The following NEDD1 variants were observed in gnomAD, a reference collection of about 807,000 sequenced individuals.
The protein encoded by NEDD1 is NEDD1 gamma-tubulin ring complex targeting factor.
In NEDD1, 33 loss-of-function variants were observed where a neutral mutation model predicts 74.0. That is an observed-to-expected ratio of 0.45 (90% CI 0.34 to 0.60). The LOEUF is 0.60. Ranked by LOEUF, NEDD1 falls within the 20% of genes least tolerant of loss-of-function variation. The pLI is 0.01. For missense variants in NEDD1, 746 were observed against 776.5 expected, an observed-to-expected ratio of 0.96 and a Z score of 0.47; for synonymous variants, 250 against 264.4, an observed-to-expected ratio of 0.95 and a Z score of 0.53.
Position 96,917,634 on chromosome 12 carries a change from G to C in NEDD1, c.245G>C (p.Cys82Ser). 1.3e-6 allele frequency: 2 copies of C among 1,498,338 alleles called. No individual in the cohort carries two copies. The highest frequency in any genetic ancestry group is 1.8e-6 in the Non-Finnish European group (2 of 1,132,342). The allele number at this position is 1,498,338 out of a possible 1,614,324, so 92.8% of individuals were successfully genotyped here. A position where few individuals can be genotyped will look rare whatever the true frequency, so the allele number is the denominator to read the frequency against. The change falls in exon 5 of 16, where the codon TGT becomes TCT. Residue 82 changes from cysteine to serine, a missense_variant. By Grantham distance (112) the Cys-to-Ser change is moderately radical. Transcript: ENST00000266742. ...LELAEGQKQT[C>S]VNLNSTSMYL... Reference sequence around the variant, plus strand: ...TTTTTTAAATAGCAAAAGCAGACATGTGTCAATTTAAATTCTACATCTATG... The same window carrying C: ...TTTTTTAAATAGCAAAAGCAGACATCTGTCAATTTAAATTCTACATCTATG...
At chr12:96,917,534 A>C in intron 4 of NEDD1, 87 bp from the exon 5 acceptor site, 1 of 1,353,830 alleles carries the variant, frequency 7.4e-7, no homozygotes, top group Non-Finnish European at 9.6e-7. Flanking sequence ...AATATTTATC[A>C]TATGCTTACT....
chr12:96,909,262 T>G (rs530463576), intron 2 of NEDD1, among the ~76,000 whole-genome samples: 18 of 151,664 alleles, frequency 1.2e-4, no homozygotes, highest in Non-Finnish European at 2.5e-4. Flanking sequence ...AACTGCTAAG[T>G]CCCTTACCAG....
chr12:96,932,955 G>A (rs1324035720), intron 6 of NEDD1, among the ~76,000 whole-genome samples: 1 of 150,652 alleles, frequency 6.6e-6, no homozygotes, highest in East Asian at 2.0e-4. Context: ...AGCGTCCACT[G>A]AACTTAGGTT....
chr12:96,937,071 T>C (rs1419661835), intron 8 of NEDD1, 127 bp from the exon 9 acceptor site: 1 of 547,872 alleles, frequency 1.8e-6, no homozygotes, highest in Non-Finnish European at 3.0e-6. Flanking sequence ...AACTCAGGTC[T>C]GCCAGCAAGC....
chr12:96,911,915 T>C (rs1043088187), intron 3 of NEDD1, among the ~76,000 whole-genome samples: 1 of 152,156 alleles, frequency 6.6e-6, no homozygotes, highest in African/African-American at 2.4e-5. Context: ...TCTCCATTGC[T>C]TTTACTCACA....
chr12:96,910,142 A>G (rs1873764991), intron 3 of NEDD1, among the ~76,000 whole-genome samples: 2 of 152,212 alleles, frequency 1.3e-5, no homozygotes, highest in South Asian at 2.1e-4. Context: ...AAACACTGCT[A>G]TTAAAAAAAG....
At chr12:96,910,684 T>C (rs553408876) in intron 3 of NEDD1, among the ~76,000 whole-genome samples, 11 of 152,324 alleles carry the variant, frequency 7.2e-5, no homozygotes, top group Non-Finnish European at 1.5e-4. Context: ...CCTCTAGTTG[T>C]GACAACCCAA....
In NEDD1 at chr12:96,907,789, CGACGG is replaced by C; in HGVS notation, c.-72_-68del. On this transcript the variant is annotated 5_prime_UTR_variant, in exon 2 of 16. Transcript: ENST00000266742. Reference sequence around the variant, plus strand: ...GCCTTGTGTCCTGACTGCTAGCTTTCGACGGGACCGTCTTTGAGGGACTCATGTAA... The same window carrying C: ...GCCTTGTGTCCTGACTGCTAGCTTTCGACCGTCTTTGAGGGACTCATGTAA... 1 of 1,499,586 alleles carries C rather than the reference CGACGG, an allele frequency of 6.7e-7. No homozygotes were observed. Among genetic ancestry groups the C allele is most frequent in the East Asian group, 2.5e-5 (1 of 40,298 alleles). The allele number at this position is 1,499,586 out of a possible 1,614,324, so 92.9% of individuals were successfully genotyped here.
At chr12:96,910,032 T>C in intron 3 of NEDD1, 137 bp downstream of exon 3, 1 of 875,756 alleles carries the variant, frequency 1.1e-6, no homozygotes, top group Non-Finnish European at 1.6e-6. Flanking sequence ...ATAGATAACG[T>C]AAAATAGTAA....
In NEDD1 at chr12:96,943,750, C is replaced by T; in HGVS notation, c.1485C>T (p.Asp495=). 6.2e-7 allele frequency: 1 copy of T among 1,602,458 alleles called. No homozygotes were observed. The highest frequency in any genetic ancestry group is 8.5e-7 in the Non-Finnish European group (1 of 1,170,574). The change falls in exon 12 of 16, where the codon GAC becomes GAT. Residue 495 remains aspartate (D), a synonymous_variant. Coordinates refer to ENST00000266742, the MANE Select transcript of NEDD1 (RefSeq NM_152905.4). ...KIYMGKQESK[D]SFKQLAKLVT... ...ATATGGGAAAACAGGAATCTAAAGACTCCTTCAAACAGGTATTTGCCTGAA... is the reference window on the plus strand; with the variant it reads ...ATATGGGAAAACAGGAATCTAAAGATTCCTTCAAACAGGTATTTGCCTGAA...
At position 96,936,765 on chromosome 12, in the gene NEDD1, A is replaced by G. The variant is rs766012682; in HGVS notation, c.874A>G (p.Thr292Ala). The G allele has an allele frequency of 3.1e-6, 5 of 1,612,672 alleles. No homozygotes were observed. The highest frequency in any genetic ancestry group is 2.7e-5 in the African/African-American group (2 of 74,894). ...SPVKTISAHKTSVQCIAFQYS... is the reference protein window; with the variant it reads ...SPVKTISAHKASVQCIAFQYS... Reference sequence around the variant, plus strand: ...AGTTAAGACCATCAGTGCTCACAAGACATCTGTGCAGTGTATAGCATTTCA... The same window carrying G: ...AGTTAAGACCATCAGTGCTCACAAGGCATCTGTGCAGTGTATAGCATTTCA... Residue 292 changes from threonine (T) to alanine (A), a missense_variant, in exon 8 of 16, where the codon ACA (threonine) becomes GCA (alanine). Coordinates refer to ENST00000266742, the MANE Select transcript of NEDD1 (RefSeq NM_152905.4).
At chr12:96,909,051 C>T (rs1302552628) in intron 2 of NEDD1, among the ~76,000 whole-genome samples, 1 of 151,766 alleles carries the variant, frequency 6.6e-6, no homozygotes, top group Non-Finnish European at 1.5e-5. Context: ...TGGTGCATGC[C>T]GGTAATCCCA....
chr12:96,913,231 C>T (rs139159493), intron 4 of NEDD1, among the ~76,000 whole-genome samples: 1 of 152,232 alleles, frequency 6.6e-6, no homozygotes, highest in Admixed American at 6.5e-5. Flanking sequence ...GATGGTAGCT[C>T]TCTGCTTCAG....
intron 4 of NEDD1, among the ~76,000 whole-genome samples, 160 bp downstream of exon 4, chr12:96,912,977 G>A (rs904348926): frequency 6.6e-6 from 1 of 152,096 alleles, no homozygotes; most frequent in Admixed American, 6.5e-5. Context: ...TGAGATATGT[G>A]TACTTACTAA....
At chr12:96,914,665 A>G (rs2136515906) in intron 4 of NEDD1, among the ~76,000 whole-genome samples, 1 of 152,282 alleles carries the variant, frequency 6.6e-6, no homozygotes, top group East Asian at 1.9e-4. Flanking sequence ...GAGAAAATAA[A>G]TTATGATCTT....
chr12:96,952,769 T>A lies in NEDD1; in HGVS notation c.*716T>A, dbSNP rs1878823849. On this transcript the variant is annotated 3_prime_UTR_variant, in exon 16 of 16. Transcript: ENST00000266742. ...GACTCGACAAGAGCTATCTGGTGAT[T>A]TTCTCATTAGTAACATGCAACGTTG... 1 of 151,730 alleles carries A rather than the reference T, an allele frequency of 6.6e-6. No individual in the cohort carries two copies. The highest frequency in any genetic ancestry group is 6.6e-5 in the Admixed American group (1 of 15,226). The allele number at this position is 151,730 out of a possible 1,614,324, so 9.4% of individuals were successfully genotyped here. A position where few individuals can be genotyped will look rare whatever the true frequency, so the allele number is the denominator to read the frequency against.
intron 6 of NEDD1, among the ~76,000 whole-genome samples, chr12:96,927,358 T>G (rs565036170): frequency 5.8e-4 from 88 of 152,350 alleles, no homozygotes; most frequent in African/African-American, 1.9e-3. Flanking sequence ...TGAGCTGAAT[T>G]AAAGTTATTA....
chr12:96,949,041 C>T lies in NEDD1; in HGVS notation c.1812-2391C>T, dbSNP rs373151026. Among the ~76,000 whole-genome samples, 5 of 152,286 alleles carry T rather than the reference C, an allele frequency of 3.3e-5. No individual in the cohort carries two copies. The East Asian group carries it at 9.6e-4, about 29-fold the overall frequency. On this transcript the variant is annotated intron_variant, in intron 14 of 15. Transcript: ENST00000266742. ...TCTTCAAGACCTTGGCTCTTACAGCCTTGGCTACCTTGGTAGGCCCAAACT... is the reference window on the plus strand; with the variant it reads ...TCTTCAAGACCTTGGCTCTTACAGCTTTGGCTACCTTGGTAGGCCCAAACT...
At chr12:96,920,968 A>C (rs570972496) in intron 6 of NEDD1, among the ~76,000 whole-genome samples, 9 of 152,306 alleles carry the variant, frequency 5.9e-5, no homozygotes, top group Admixed American at 5.2e-4. Flanking sequence ...CAGATATATA[A>C]ATGGTATTAT....
Sources: allele counts gnomAD v4.1 joint callset (sites outside exome capture counted in the v4.1 genomes callset), GRCh38; gene constraint gnomAD v4.1.1; transcripts MANE v1.5; gene names NCBI Gene and HGNC (gene_info 2026-07-23, HGNC 2026-07-21).